Variants in ADGRV1 observed in about 807,000 individuals in gnomAD.
ADGRV1 encodes the protein G-protein coupled receptor 98.
A neutral mutation model predicts 596.2 loss-of-function variants in ADGRV1; 359 were observed. That is an observed-to-expected ratio of 0.60 (90% CI 0.55 to 0.66). The LOEUF (loss-of-function observed/expected upper bound fraction) is 0.66. ADGRV1 is among the 30% of genes least tolerant of loss of function. The pLI is 0.00. For missense variants in ADGRV1, 7,274 were observed against 7,575.6 expected, an observed-to-expected ratio of 0.96 and a Z score of 1.48; for synonymous variants, 2,681 against 2,679.2, an observed-to-expected ratio of 1.00 and a Z score of -0.02.
intron 83 of ADGRV1, among the ~76,000 whole-genome samples, chr5:90,902,129 A>G (rs1253094559): frequency 6.6e-6 from 1 of 152,134 alleles, no homozygotes; most frequent in African/African-American, 2.4e-5. Flanking sequence ...GAAAGGAGTC[A>G]AGGAAGATCC....
At chr5:91,095,919 A>C (rs1438160101) in intron 86 of ADGRV1, among the ~76,000 whole-genome samples, 1 of 152,062 alleles carries the variant, frequency 6.6e-6, no homozygotes, top group Admixed American at 6.6e-5. Context: ...AGTAGCCACC[A>C]TGCCTGGCTA....
At chr5:90,972,794 A>G (rs1391026564) in intron 84 of ADGRV1, among the ~76,000 whole-genome samples, 1 of 152,232 alleles carries the variant, frequency 6.6e-6, no homozygotes, top group Non-Finnish European at 1.5e-5. Context: ...TTAAAGAACT[A>G]GAGAAGCAAG....
At chr5:90,697,206 C>T (rs961883844) in intron 34 of ADGRV1, 60 bp downstream of exon 34, 27 of 1,437,048 alleles carry the variant, frequency 1.9e-5, no homozygotes, top group Admixed American at 5.8e-5. Context: ...TGTCTTTTGT[C>T]TAGTTCTTTA....
chr5:90,815,268 T>A (rs1762787325), intron 74 of ADGRV1, among the ~76,000 whole-genome samples: 1 of 152,322 alleles, frequency 6.6e-6, no homozygotes, highest in Non-Finnish European at 1.5e-5. Flanking sequence ...GATGCTCTAG[T>A]AGGGCTTACA....
At chr5:90,679,650 C>G in intron 26 of ADGRV1, 21 bp downstream of exon 26, 1 of 1,555,658 alleles carries the variant, frequency 6.4e-7, no homozygotes. Context: ...TTTCCAAGGT[C>G]CTTTACTATT....
intron 54 of ADGRV1, among the ~76,000 whole-genome samples, chr5:90,754,360 AT>A (rs1755596339): frequency 6.6e-6 from 1 of 152,174 alleles, no homozygotes; most frequent in Non-Finnish European, 1.5e-5. Context: ...AGGTTCTAAG[AT>A]TTTCACGTAA....
chr5:90,839,255 C>G (rs1765228958), intron 77 of ADGRV1, among the ~76,000 whole-genome samples: 1 of 152,088 alleles, frequency 6.6e-6, no homozygotes, highest in South Asian at 2.1e-4. Context: ...CACTCTATTG[C>G]CCAGGCTGGA....
intron 71 of ADGRV1, among the ~76,000 whole-genome samples, chr5:90,803,464 G>A (rs187063056): frequency 2.5e-3 from 377 of 152,300 alleles, no homozygotes; most frequent in African/African-American, 8.1e-3. Flanking sequence ...CTATGGTAAC[G>A]TGTGTATGTT....
chr5:90,662,267 C>T (rs1247194724), intron 21 of ADGRV1, among the ~76,000 whole-genome samples: 3 of 146,442 alleles, frequency 2.0e-5, no homozygotes, highest in Non-Finnish European at 4.4e-5. Flanking sequence ...GATCATGGCT[C>T]ACTGCAAGCT....
chr5:90,821,794 C>T (rs1763545636), intron 75 of ADGRV1, among the ~76,000 whole-genome samples: 1 of 151,996 alleles, frequency 6.6e-6, no homozygotes. Context: ...CAGCTGCGTG[C>T]TGGGAGAACC....
intron 83 of ADGRV1, among the ~76,000 whole-genome samples, chr5:90,904,404 C>G (rs1357760531): frequency 1.3e-5 from 2 of 152,070 alleles, no homozygotes; most frequent in Non-Finnish European, 2.9e-5. Context: ...TTCCTTTTCT[C>G]CACATCATCA....
rs755515191 is a variant in ADGRV1 at position 90,647,600 on chromosome 5, A to G, written c.3125A>G (p.Asp1042Gly). 5.0e-6 allele frequency: 8 copies of G among 1,613,840 alleles called. No individual in the cohort carries two copies. The highest frequency in any genetic ancestry group is 3.3e-4 in the Middle Eastern group (2 of 6,084). The change falls in exon 17 of 90, where the codon GAT becomes GGT. Residue 1042 changes from aspartate (D) to glycine (G), a missense_variant. By Grantham distance (94) the Asp-to-Gly change is moderately conservative. Transcript: ENST00000405460. ...VTCMVQYATK[D>G]GKATARERDF... is the part of the protein sequence containing the mutation. ...TGCATGGTCCAGTATGCTACCAAGG[A>G]TGGGAAGGCTACTGCAAGAGAGAGA...
chr5:90,687,097 G>C (rs925454150), intron 29 of ADGRV1, among the ~76,000 whole-genome samples: 4 of 152,102 alleles, frequency 2.6e-5, no homozygotes, highest in Non-Finnish European at 4.4e-5. Context: ...GTTCATTGTA[G>C]ATTCTGGATA....
At chr5:90,647,443 A>G in intron 16 of ADGRV1, 55 bp from the exon 17 acceptor site, 1 of 1,547,414 alleles carries the variant, frequency 6.5e-7, no homozygotes, top group South Asian at 1.3e-5. Context: ...TGTGATCTGA[A>G]AATATGTGAT....
intron 21 of ADGRV1, among the ~76,000 whole-genome samples, chr5:90,670,242 G>A (rs1162868547): frequency 6.6e-6 from 1 of 152,194 alleles, no homozygotes; most frequent in East Asian, 1.9e-4. Flanking sequence ...CTTCAGAGAT[G>A]CCTGGGCTTC....
chr5:91,132,079 A>G (rs559571977), intron 87 of ADGRV1, among the ~76,000 whole-genome samples: 5 of 152,130 alleles, frequency 3.3e-5, no homozygotes, highest in African/African-American at 7.2e-5. Flanking sequence ...ATTTTTGTCA[A>G]CTTTGTCAAA....
chr5:91,106,579 A>G (rs886708351), intron 87 of ADGRV1, among the ~76,000 whole-genome samples: 4 of 152,202 alleles, frequency 2.6e-5, no homozygotes, highest in Non-Finnish European at 4.4e-5. Flanking sequence ...TCTTTTAACA[A>G]TATTAATTCT....
rs191421080 is a variant in ADGRV1 at position 91,088,973 on chromosome 5, T to C, written c.18311-13246T>C. Among the ~76,000 whole-genome samples, 17 of 152,274 alleles carry C rather than the reference T, an allele frequency of 1.1e-4. No homozygotes were observed. The East Asian group carries it at 1.5e-3, about 14-fold the overall frequency. On this transcript the variant is annotated intron_variant, in intron 86 of 89. Transcript: ENST00000405460. Reference sequence around the variant, plus strand: ...TTCAATCCAGGAATTGCCTTTTTTTTCTGAACACCATTGTTTCCCTTTTTT... The same window carrying C: ...TTCAATCCAGGAATTGCCTTTTTTTCCTGAACACCATTGTTTCCCTTTTTT...
chr5:90,947,332 G>GT (rs35581090), intron 83 of ADGRV1, among the ~76,000 whole-genome samples: 113,843 of 151,670 alleles, frequency 0.75, 43,618 homozygotes, highest in African/African-American at 0.9. Flanking sequence ...TTTTAATGGG[G>GT]TTTTTTTTCT....
Sources: gnomAD v4.1 joint callset for allele counts (sites outside exome capture counted in the v4.1 genomes callset) on GRCh38, gnomAD v4.1.1 for gene constraint, MANE v1.5 for transcripts, NCBI Gene and HGNC (gene_info 2026-07-23, HGNC 2026-07-21) for gene names.